Variants in XIRP2 observed in about 807,000 individuals in gnomAD.
XIRP2 encodes the protein xin actin binding repeat containing 2, also known as xin actin-binding repeat-containing protein 2.
In XIRP2, 236 loss-of-function variants were observed where a neutral mutation model predicts 277.0. The ratio of observed to expected loss-of-function variants is 0.85; its 90% confidence interval spans 0.77 to 0.95. The LOEUF (loss-of-function observed/expected upper bound fraction) is 0.95, where lower values mean the gene tolerates loss of function less well. Ranked by LOEUF, XIRP2 falls within the 40% of genes least tolerant of loss-of-function variation. The pLI is 0.00. For synonymous variants in XIRP2, 1,490 were observed against 1,416.5 expected (o/e 1.05, Z -1.17); for missense variants, 4,640 against 4,157.5 (o/e 1.12, Z -3.19).
intron 2 of XIRP2, among the ~76,000 whole-genome samples, chr2:167,011,595 T>G (rs1246504323): frequency 6.6e-6 from 1 of 152,020 alleles, no homozygotes; most frequent in Non-Finnish European, 1.5e-5. Context: ...ATAACATGAG[T>G]TAGGGAGGAT....
At chr2:166,969,021 A>G (rs1188659158) in intron 2 of XIRP2, among the ~76,000 whole-genome samples, 3 of 152,006 alleles carry the variant, frequency 2.0e-5, no homozygotes, top group Non-Finnish European at 4.4e-5. Flanking sequence ...AGTTTTATCA[A>G]GGCTCTGGAC....
At chr2:167,208,346 G>A (rs1693918410) in intron 3 of XIRP2, among the ~76,000 whole-genome samples, 2 of 152,020 alleles carry the variant, frequency 1.3e-5, no homozygotes, top group South Asian at 2.1e-4. Context: ...TCGCTCTGTC[G>A]CCCAGGCTGG....
At chr2:166,935,483 A>G (rs1685470108) in intron 2 of XIRP2, among the ~76,000 whole-genome samples, 1 of 130,860 alleles carries the variant, frequency 7.6e-6, no homozygotes, top group South Asian at 2.7e-4. Context: ...TTACATATGT[A>G]TGCATGTGCC....
intron 2 of XIRP2, among the ~76,000 whole-genome samples, chr2:166,907,369 G>T (rs1037110834): frequency 1.3e-5 from 2 of 152,168 alleles, no homozygotes; most frequent in Non-Finnish European, 2.9e-5. Flanking sequence ...AATAGCATTT[G>T]CTGTGTAACA....
chr2:167,169,741 T>A (rs73021991), intron 3 of XIRP2, among the ~76,000 whole-genome samples: 15,033 of 152,260 alleles, frequency 0.099, 793 homozygotes, highest in South Asian at 0.15. Context: ...AAACAGTATT[T>A]ATTTGGGTAT....
Position 167,243,987 on chromosome 2 carries a change from G to C in XIRP2, c.2595G>C (p.Glu865Asp). 6.2e-7 allele frequency: 1 copy of C among 1,613,988 alleles called. No individual in the cohort carries two copies. The highest frequency in any genetic ancestry group is 1.3e-5 in the African/African-American group (1 of 75,046). ...CTGATGCAGATTCTCTACAACGTGA[G>C]GAGATAATAGGTGGTGATGTACAAA... ...EVPDADSLQR[E>D]EIIGGDVQTT... The change falls in exon 9 of 11, where the codon GAG becomes GAC. Residue 865 changes from glutamate to aspartate, a missense_variant. Physicochemically the swap from Glu to Asp is conservative, Grantham distance 45. Transcript: ENST00000409195.
At chr2:167,257,276 A>G (rs150767779) in intron 10 of XIRP2, among the ~76,000 whole-genome samples, 1 of 151,930 alleles carries the variant, frequency 6.6e-6, no homozygotes, top group East Asian at 1.9e-4. Flanking sequence ...TTAGTTGTAA[A>G]TGTTCCCCAT....
chr2:166,908,722 T>A (rs1684606337), intron 2 of XIRP2, among the ~76,000 whole-genome samples: 1 of 152,200 alleles, frequency 6.6e-6, no homozygotes, highest in Non-Finnish European at 1.5e-5. Context: ...TAGCCTAGGT[T>A]TTCTTCTAGG....
rs187253031 is a variant in XIRP2 at position 167,244,214 on chromosome 2, A to G, written c.2822A>G (p.Asp941Gly). The G allele has an allele frequency of 8.6e-5, 138 of 1,613,654 alleles. No homozygotes were observed. In the African/African-American group the frequency reaches 1.6e-3, roughly 18 times the overall value. Residue 941 changes from aspartate (D) to glycine (G), a missense_variant, in exon 9 of 11, where the codon GAC becomes GGC. Transcript: ENST00000409195. ...YTRTVKLEEV[D>G]RGDVKNYTHI... ...CGAACAGTGAAACTTGAAGAAGTTG[A>G]CAGAGGAGATGTGAAGAATTACACA...
chr2:166,947,053 T>C (rs1486928566), intron 2 of XIRP2, among the ~76,000 whole-genome samples: 1 of 152,190 alleles, frequency 6.6e-6, no homozygotes, highest in African/African-American at 2.4e-5. Flanking sequence ...TTGTTTTGTT[T>C]CAAATTTTCA....
At chr2:167,002,507 G>A (rs1013183369) in intron 2 of XIRP2, among the ~76,000 whole-genome samples, 1 of 151,878 alleles carries the variant, frequency 6.6e-6, no homozygotes, top group Non-Finnish European at 1.5e-5. Flanking sequence ...AAAGTTGAAA[G>A]GTTGGTAATT....
intron 2 of XIRP2, among the ~76,000 whole-genome samples, chr2:167,131,103 T>G (rs1691359891): frequency 6.6e-6 from 1 of 152,112 alleles, no homozygotes. Context: ...ATAGACAACT[T>G]CTGCCTGGGT....
chr2:167,014,862 A>G (rs74788857), intron 2 of XIRP2, among the ~76,000 whole-genome samples: 538 of 151,906 alleles, frequency 3.5e-3, no homozygotes, highest in Non-Finnish European at 6.3e-3. Context: ...TTACATGGCT[A>G]ATAAGTAATG....
intron 3 of XIRP2, among the ~76,000 whole-genome samples, chr2:167,203,466 G>T (rs978807523): frequency 6.6e-6 from 1 of 152,188 alleles, no homozygotes; most frequent in Admixed American, 6.5e-5. Flanking sequence ...GCATTTTGGG[G>T]GAATAGGATC....
At chr2:167,235,429 T>G (rs1243272162) in intron 5 of XIRP2, among the ~76,000 whole-genome samples, 1 of 151,872 alleles carries the variant, frequency 6.6e-6, no homozygotes, top group Non-Finnish European at 1.5e-5. Context: ...ATTATAAAAT[T>G]TTCACACTAC....
At chr2:167,144,952 C>T (rs1691822636) in intron 3 of XIRP2, among the ~76,000 whole-genome samples, 2 of 152,088 alleles carry the variant, frequency 1.3e-5, no homozygotes, top group South Asian at 4.1e-4. Context: ...GTTTAAATAA[C>T]TGCTGCATTG....
At chr2:167,034,952 A>C (rs1191276161) in intron 2 of XIRP2, among the ~76,000 whole-genome samples, 1 of 152,112 alleles carries the variant, frequency 6.6e-6, no homozygotes, top group Admixed American at 6.5e-5. Context: ...TATTCTTGTG[A>C]TAGTGAATAA....
intron 2 of XIRP2, among the ~76,000 whole-genome samples, chr2:166,916,697 T>G (rs1684892892): frequency 6.6e-6 from 1 of 152,162 alleles, no homozygotes; most frequent in Non-Finnish European, 1.5e-5. Flanking sequence ...AGTGATCATT[T>G]TTGGTTAGAG....
chr2:167,129,470 C>A (rs1311348446), intron 2 of XIRP2, among the ~76,000 whole-genome samples: 2 of 152,088 alleles, frequency 1.3e-5, no homozygotes, highest in Non-Finnish European at 2.9e-5. Context: ...AGCTCCATGT[C>A]TCTTGTGAAA....
Sources: gnomAD v4.1 joint callset for allele counts (sites outside exome capture counted in the v4.1 genomes callset) on GRCh38, gnomAD v4.1.1 for gene constraint, MANE v1.5 for transcripts, NCBI Gene and HGNC (gene_info 2026-07-23, HGNC 2026-07-21) for gene names.